The following RSU1 variants were observed in gnomAD, a reference collection of about 807,000 sequenced individuals.
The protein encoded by RSU1 is Ras suppressor protein 1.
In RSU1, 26 loss-of-function variants were observed where a neutral mutation model predicts 31.1. The observed-to-expected ratio is 0.84, with a 90% CI of 0.61 to 1.16. The LOEUF (loss-of-function observed/expected upper bound fraction) is 1.16. RSU1 is among the 50% of genes most tolerant of loss of function. RSU1 has a pLI of 0.00. For synonymous variants in RSU1, 164 were observed against 136.3 expected (o/e 1.20, Z -1.41); for missense variants, 320 against 339.1 (o/e 0.94, Z 0.44).
intron 8 of RSU1, among the ~76,000 whole-genome samples, chr10:16,693,896 T>G (rs900291186): frequency 6.6e-6 from 1 of 151,994 alleles, no homozygotes; most frequent in African/African-American, 2.4e-5. Flanking sequence ...AAAAATAAAT[T>G]TTAAAAGTTG....
chr10:16,738,138 T>C (rs1836671682), intron 7 of RSU1, among the ~76,000 whole-genome samples: 1 of 152,134 alleles, frequency 6.6e-6, no homozygotes, highest in Non-Finnish European at 1.5e-5. Context: ...AACTTCTAAC[T>C]TGAAATGCTT....
chr10:16,640,725 C>T (rs577265214), intron 8 of RSU1, among the ~76,000 whole-genome samples: 1 of 152,214 alleles, frequency 6.6e-6, no homozygotes, highest in Non-Finnish European at 1.5e-5. Flanking sequence ...CATTCCTTCA[C>T]CTGGTTAGCT....
At chr10:16,633,409 A>G (rs947134397) in intron 8 of RSU1, among the ~76,000 whole-genome samples, 1 of 152,062 alleles carries the variant, frequency 6.6e-6, no homozygotes, top group Admixed American at 6.5e-5. Context: ...CCAAGAAAAA[A>G]CAGAAATAAA....
intron 3 of RSU1, among the ~76,000 whole-genome samples, chr10:16,775,171 T>C (rs74128275): frequency 0.05 from 7,564 of 152,236 alleles, 628 homozygotes; most frequent in African/African-American, 0.17. Flanking sequence ...TCAAGTGATA[T>C]AGGAGAGAGG....
intron 7 of RSU1, among the ~76,000 whole-genome samples, chr10:16,720,493 C>T (rs80295972): frequency 0.02 from 3,024 of 152,230 alleles, 94 homozygotes; most frequent in African/African-American, 0.068. Context: ...ATAATATTAA[C>T]AATAATATTT....
intron 2 of RSU1, among the ~76,000 whole-genome samples, chr10:16,810,838 AT>A: frequency 6.6e-6 from 1 of 152,230 alleles, no homozygotes; most frequent in Non-Finnish European, 1.5e-5. Flanking sequence ...CCTGGGAGAA[AT>A]GGCGAAACCC....
At chr10:16,695,410 G>C (rs78455926) in intron 7 of RSU1, among the ~76,000 whole-genome samples, 1 of 152,196 alleles carries the variant, frequency 6.6e-6, no homozygotes, top group African/African-American at 2.4e-5. Flanking sequence ...CAGAGGGAAG[G>C]AGGTATTTGC....
intron 2 of RSU1, among the ~76,000 whole-genome samples, chr10:16,797,004 A>T (rs868257344): frequency 5.9e-5 from 9 of 152,302 alleles, no homozygotes; most frequent in Middle Eastern, 3.4e-3. Flanking sequence ...AGCTAAACAA[A>T]TTCACCAGAA....
At chr10:16,741,349 T>C (rs1836745968) in intron 7 of RSU1, among the ~76,000 whole-genome samples, 1 of 152,020 alleles carries the variant, frequency 6.6e-6, no homozygotes, top group African/African-American at 2.4e-5. Flanking sequence ...AGCCAAACTA[T>C]AAAACCCTTA....
At chr10:16,713,227 C>T (rs891693520) in intron 7 of RSU1, among the ~76,000 whole-genome samples, 2 of 152,116 alleles carry the variant, frequency 1.3e-5, no homozygotes, top group African/African-American at 4.8e-5. Flanking sequence ...TGCTGAATTC[C>T]TATGTCCGTA....
At chr10:16,642,276 T>C (rs760267834) in intron 8 of RSU1, among the ~76,000 whole-genome samples, 2 of 152,084 alleles carry the variant, frequency 1.3e-5, no homozygotes, top group African/African-American at 2.4e-5. Flanking sequence ...TGGTAATAAA[T>C]GTATGCAAAA....
At chr10:16,658,594 G>C (rs1834831549) in intron 8 of RSU1, among the ~76,000 whole-genome samples, 2 of 151,958 alleles carry the variant, frequency 1.3e-5, no homozygotes, top group African/African-American at 2.4e-5. Flanking sequence ...CGTGGTGGCA[G>C]GCACCTGTAA....
At chr10:16,608,127 G>A (rs777019990) in intron 8 of RSU1, among the ~76,000 whole-genome samples, 47 of 152,136 alleles carry the variant, frequency 3.1e-4, no homozygotes, top group South Asian at 6.2e-4. Flanking sequence ...CACCACACCC[G>A]GCCAGTATCA....
chr10:16,616,435 G>C (rs1833978974), intron 8 of RSU1, among the ~76,000 whole-genome samples: 2 of 144,318 alleles, frequency 1.4e-5, no homozygotes, highest in Non-Finnish European at 3.0e-5. Flanking sequence ...TTCTACCAGA[G>C]ACAAAAAGAG....
chr10:16,612,770 AC>A (rs1204914944), intron 8 of RSU1, among the ~76,000 whole-genome samples: 1 of 152,192 alleles, frequency 6.6e-6, no homozygotes, highest in Non-Finnish European at 1.5e-5. Context: ...GCTCTTCGTT[AC>A]CCAGATTAGA....
chr10:16,804,389 T>G (rs906694983), intron 2 of RSU1, among the ~76,000 whole-genome samples: 4 of 152,238 alleles, frequency 2.6e-5, no homozygotes, highest in African/African-American at 4.8e-5. Context: ...GTACAGCCAC[T>G]CGAGAAGACA....
intron 7 of RSU1, among the ~76,000 whole-genome samples, chr10:16,736,546 C>G (rs1836631729): frequency 6.6e-6 from 1 of 152,018 alleles, no homozygotes; most frequent in African/African-American, 2.4e-5. Flanking sequence ...TAGAATGAAA[C>G]CCAACAGACC....
chr10:16,669,379 C>G (rs1030727678), intron 8 of RSU1, among the ~76,000 whole-genome samples: 17 of 151,824 alleles, frequency 1.1e-4, no homozygotes, highest in African/African-American at 3.6e-4. Context: ...TTTTTCCCCC[C>G]CCAAAGCACC....
In RSU1 at chr10:16,758,346, C is replaced by T. The variant is rs536496678; in HGVS notation, c.282-3357G>A. ...AAGGATGGAACATGCTGGCTGTCCC[C>T]CCTCCCTCCAGCAGGTGCTAACATC... On this transcript the variant is annotated intron_variant, in intron 4 of 8. Coordinates refer to ENST00000345264, the MANE Select transcript of RSU1 (RefSeq NM_012425.4). 2.6e-5 allele frequency among the ~76,000 whole-genome samples: 4 copies of T among 152,268 alleles called. No homozygotes were observed. In the South Asian group the frequency reaches 8.3e-4, roughly 32 times the overall value.
Sources: allele counts gnomAD v4.1 joint callset (sites outside exome capture counted in the v4.1 genomes callset), GRCh38; gene constraint gnomAD v4.1.1; transcripts MANE v1.5; gene names NCBI Gene and HGNC (gene_info 2026-07-23, HGNC 2026-07-21).